Variants in RASAL2 observed in about 807,000 individuals in gnomAD.
The protein encoded by RASAL2 is ras GTPase-activating protein nGAP.
In RASAL2, 58 loss-of-function variants were observed where a neutral mutation model predicts 128.9. The ratio of observed to expected loss-of-function variants is 0.45; its 90% CI spans 0.36 to 0.56. The LOEUF (loss-of-function observed/expected upper bound fraction) is 0.56. Ranked by LOEUF, RASAL2 falls within the 20% of genes least tolerant of loss-of-function variation. The pLI, the probability that RASAL2 is intolerant of heterozygous loss-of-function variation, is 0.00. For missense variants in RASAL2, 1,360 were observed against 1,601.6 expected, an observed-to-expected ratio of 0.85 and a Z score of 2.57; for synonymous variants, 561 against 580.8, an observed-to-expected ratio of 0.97 and a Z score of 0.49.
intron 5 of RASAL2, among the ~76,000 whole-genome samples, chr1:178,426,970 T>TA (rs1348091395): frequency 6.6e-6 from 1 of 151,864 alleles, no homozygotes; most frequent in Non-Finnish European, 1.5e-5. Context: ...CAAAAAGCTG[T>TA]AAGAAGATAT....
intron 1 of RASAL2, among the ~76,000 whole-genome samples, chr1:178,270,162 A>G (rs1288288549): frequency 6.6e-6 from 1 of 151,986 alleles, no homozygotes; most frequent in Non-Finnish European, 1.5e-5. Context: ...CTGATGTTTT[A>G]TACATAACTG....
chr1:178,249,234 G>A lies in RASAL2; in HGVS notation c.203-34330G>A, dbSNP rs186038082. Among the ~76,000 whole-genome samples, 13 of 151,824 alleles carry A rather than the reference G, an allele frequency of 8.6e-5. No homozygotes were observed. The South Asian group carries it at 1.9e-3, about 22-fold the overall frequency. On this transcript the variant is annotated intron_variant, in intron 1 of 17. Transcript: ENST00000367649. ...CCCATATTTCTTGGAGGCTTTGTTC[G>A]TTCCTTTTCATTCTTTTTTCTCTAA...
intron 3 of RASAL2, among the ~76,000 whole-genome samples, chr1:178,304,645 A>G (rs892201575): frequency 6.6e-6 from 1 of 152,230 alleles, no homozygotes; most frequent in African/African-American, 2.4e-5. Context: ...AGTTGAGAAG[A>G]TAGTGTGATA....
intron 2 of RASAL2, among the ~76,000 whole-genome samples, chr1:178,284,581 A>G (rs1273208264): frequency 6.6e-6 from 1 of 152,140 alleles, no homozygotes. Flanking sequence ...ATCACATGCT[A>G]TTACTATTTT....
chr1:178,423,208 T>C (rs1675273996), intron 5 of RASAL2, among the ~76,000 whole-genome samples: 1 of 152,172 alleles, frequency 6.6e-6, no homozygotes, highest in Non-Finnish European at 1.5e-5. Flanking sequence ...TCTCTATTGA[T>C]GGATATTTAC....
At chr1:178,437,186 T>TAC (rs1676305762) in intron 5 of RASAL2, among the ~76,000 whole-genome samples, 1 of 152,138 alleles carries the variant, frequency 6.6e-6, no homozygotes, top group Non-Finnish European at 1.5e-5. Context: ...TAAGGAATAT[T>TAC]ACCTATCCTA....
chr1:178,310,833 G>A (rs1004988364), intron 3 of RASAL2, among the ~76,000 whole-genome samples: 1 of 152,108 alleles, frequency 6.6e-6, no homozygotes, highest in Non-Finnish European at 1.5e-5. Flanking sequence ...CCAGTAGATG[G>A]CAGTAGAGTT....
intron 9 of RASAL2, among the ~76,000 whole-genome samples, chr1:178,449,555 G>T (rs558739859): frequency 6.6e-6 from 1 of 151,942 alleles, no homozygotes; most frequent in South Asian, 2.1e-4. Context: ...ACCCCCTTTG[G>T]CTCTGGTTTT....
At chr1:178,142,805 G>A (rs1197197187) in intron 1 of RASAL2, among the ~76,000 whole-genome samples, 3 of 152,082 alleles carry the variant, frequency 2.0e-5, no homozygotes, top group Non-Finnish European at 4.4e-5. Context: ...ATGAATTAGT[G>A]CCTTTATTAC....
intron 3 of RASAL2, among the ~76,000 whole-genome samples, chr1:178,374,483 G>A (rs1380350515): frequency 2.0e-5 from 3 of 152,042 alleles, no homozygotes; most frequent in African/African-American, 7.2e-5. Flanking sequence ...TGCTGGTTAG[G>A]ATCTACTACT....
At chr1:178,390,246 C>A in intron 4 of RASAL2, 40 bp downstream of exon 4, 1 of 1,458,824 alleles carries the variant, frequency 6.9e-7, no homozygotes, top group Non-Finnish European at 9.5e-7. Context: ...TTTACTTTTC[C>A]TTTTCTCCTT....
intron 1 of RASAL2, among the ~76,000 whole-genome samples, chr1:178,214,350 G>A (rs1245915769): frequency 2.0e-5 from 3 of 152,146 alleles, no homozygotes; most frequent in Non-Finnish European, 4.4e-5. Context: ...CTTGTGTCTT[G>A]TAGTAGTAGT....
At chr1:178,239,166 T>C (rs1339055639) in intron 1 of RASAL2, among the ~76,000 whole-genome samples, 1 of 152,156 alleles carries the variant, frequency 6.6e-6, no homozygotes, top group Non-Finnish European at 1.5e-5. Flanking sequence ...GTCACCAAAA[T>C]GTCAAAATAG....
At chr1:178,366,583 A>C (rs973766188) in intron 3 of RASAL2, among the ~76,000 whole-genome samples, 7,309 of 37,046 alleles carry the variant, frequency 0.2, 11 homozygotes, top group Non-Finnish European at 0.21. Context: ...GGTACCTCCC[A>C]CCCCCCCCCG....
chr1:178,219,173 T>C (rs73033420), intron 1 of RASAL2, among the ~76,000 whole-genome samples: 4,295 of 152,340 alleles, frequency 0.028, 79 homozygotes, highest in East Asian at 0.088. Context: ...TTTTCTTCTG[T>C]AGCTTCTTTA....
At chr1:178,224,695 A>G (rs1424998393) in intron 1 of RASAL2, among the ~76,000 whole-genome samples, 1 of 152,140 alleles carries the variant, frequency 6.6e-6, no homozygotes, top group Non-Finnish European at 1.5e-5. Context: ...TCTATCATGT[A>G]TTCTAATACA....
intron 3 of RASAL2, among the ~76,000 whole-genome samples, chr1:178,387,954 A>C (rs1446454455): frequency 6.6e-6 from 1 of 152,222 alleles, no homozygotes; most frequent in Non-Finnish European, 1.5e-5. Flanking sequence ...AAGTGAGGAA[A>C]TTAATTTCAG....
chr1:178,221,764 G>A (rs1663620968), intron 1 of RASAL2, among the ~76,000 whole-genome samples: 1 of 152,146 alleles, frequency 6.6e-6, no homozygotes, highest in South Asian at 2.1e-4. Flanking sequence ...TAGATGTCAG[G>A]TATATTCAGT....
Position 178,473,458 on chromosome 1 carries a change from T to C in RASAL2, c.*219T>C, listed in dbSNP as rs568632220. The C allele has an allele frequency of 1.7e-6, 1 of 586,118 alleles. No homozygotes were observed. The highest frequency in any genetic ancestry group is 2.2e-5 in the South Asian group (1 of 44,638). 36.3% of individuals were successfully genotyped at this position (586,118 alleles called of 1,614,324 possible). A position where few individuals can be genotyped will look rare whatever the true frequency, so the allele number is the denominator to read the frequency against. ...CACATCTCTATGTACATAGGGAACT[T>C]AGTTCTGGGCCATGTACAGAAAATA... On this transcript the variant is annotated 3_prime_UTR_variant, in exon 18 of 18. Coordinates refer to ENST00000367649, the MANE Select transcript of RASAL2 (RefSeq NM_170692.4).
Sources: gnomAD v4.1 joint callset for allele counts (sites outside exome capture counted in the v4.1 genomes callset) on GRCh38, gnomAD v4.1.1 for gene constraint, MANE v1.5 for transcripts, NCBI Gene and HGNC (gene_info 2026-07-23, HGNC 2026-07-21) for gene names.